The following SEMA5A variants were observed in gnomAD, a reference collection of about 807,000 sequenced individuals.
SEMA5A encodes semaphorin-5A.
SEMA5A carries 55 observed loss-of-function variants against 135.5 expected under a neutral mutation model. The ratio of observed to expected loss-of-function variants is 0.41; its 90% CI spans 0.33 to 0.51. The LOEUF (loss-of-function observed/expected upper bound fraction) is 0.51, where lower values mean the gene tolerates loss of function less well. Among genes scored for constraint, SEMA5A ranks in the 20% least tolerant of loss-of-function variants. The probability of loss-of-function intolerance (pLI) is 0.37; values close to 1 mark genes in which losing one functional copy is unlikely to be tolerated. For missense variants in SEMA5A, 1,290 were observed against 1,419.9 expected, an observed-to-expected ratio of 0.91 and a Z score of 1.47; for synonymous variants, 580 against 546.5, an observed-to-expected ratio of 1.06 and a Z score of -0.85.
At chr5:9,248,154 T>C (rs1748573503) in intron 5 of SEMA5A, among the ~76,000 whole-genome samples, 1 of 152,258 alleles carries the variant, frequency 6.6e-6, no homozygotes, top group South Asian at 2.1e-4. Context: ...GAGCTCCATC[T>C]AAGAAAAAAG....
intron 2 of SEMA5A, among the ~76,000 whole-genome samples, chr5:9,428,667 A>G (rs1247822519): frequency 3.3e-5 from 5 of 152,206 alleles, no homozygotes; most frequent in Non-Finnish European, 7.3e-5. Flanking sequence ...TATTTGAGAA[A>G]GCAGTAAAAT....
At chr5:9,285,336 T>C (rs1750744946) in intron 5 of SEMA5A, among the ~76,000 whole-genome samples, 1 of 152,296 alleles carries the variant, frequency 6.6e-6, no homozygotes, top group South Asian at 2.1e-4. Context: ...CCCCCTTTCC[T>C]TCTTCTGGAG....
At chr5:9,476,872 T>C (rs1759686366) in intron 1 of SEMA5A, among the ~76,000 whole-genome samples, 3 of 151,964 alleles carry the variant, frequency 2.0e-5, no homozygotes, top group African/African-American at 7.3e-5. Flanking sequence ...CGGCCAGGAA[T>C]TTGAGACTAG....
At chr5:9,361,923 G>T (rs1016415257) in intron 3 of SEMA5A, among the ~76,000 whole-genome samples, 2 of 152,152 alleles carry the variant, frequency 1.3e-5, no homozygotes, top group African/African-American at 4.8e-5. Flanking sequence ...ACACTGCCAT[G>T]GGCATGAACA....
chr5:9,347,309 A>G (rs1044308163), intron 3 of SEMA5A, among the ~76,000 whole-genome samples: 33 of 152,204 alleles, frequency 2.2e-4, no homozygotes, highest in African/African-American at 6.3e-4. Context: ...CACATAGTAT[A>G]CCTAACCCAT....
intron 11 of SEMA5A, among the ~76,000 whole-genome samples, chr5:9,167,921 T>C (rs1743702346): frequency 6.6e-6 from 1 of 152,178 alleles, no homozygotes; most frequent in Admixed American, 6.5e-5. Flanking sequence ...GAATCATGCC[T>C]CAGAAGTCAA....
intron 3 of SEMA5A, among the ~76,000 whole-genome samples, chr5:9,370,218 C>T (rs1033551436): frequency 5.3e-5 from 8 of 152,164 alleles, no homozygotes; most frequent in African/African-American, 1.7e-4. Flanking sequence ...CGTTAATCAC[C>T]TTCTGAGAGC....
At chr5:9,079,384 C>T (rs1022209438) in intron 16 of SEMA5A, among the ~76,000 whole-genome samples, 1 of 151,982 alleles carries the variant, frequency 6.6e-6, no homozygotes, top group South Asian at 2.1e-4. Flanking sequence ...ACACAATGTA[C>T]CAGAATCTCT....
At chr5:9,374,095 T>TGTAATGGGTCAGGGTGTTTTA (rs1482476012) in intron 3 of SEMA5A, among the ~76,000 whole-genome samples, 2 of 152,186 alleles carry the variant, frequency 1.3e-5, no homozygotes, top group African/African-American at 4.8e-5. Context: ...ACGGTGCATC[T>TGTAATGGGTCAGGGTGTTTTA]GTAATGGGTC....
intron 3 of SEMA5A, among the ~76,000 whole-genome samples, chr5:9,366,234 T>C (rs570681792): frequency 2.6e-5 from 4 of 152,200 alleles, no homozygotes; most frequent in Non-Finnish European, 5.9e-5. Context: ...TCTCTTTATA[T>C]GGCAATTAAT....
At chr5:9,214,080 C>A (rs947668732) in intron 8 of SEMA5A, among the ~76,000 whole-genome samples, 8 of 152,138 alleles carry the variant, frequency 5.3e-5, no homozygotes, top group Non-Finnish European at 8.8e-5. Context: ...CCAGAATTAG[C>A]CAGGAGGCAA....
chr5:9,313,028 A>T (rs1725503464), intron 5 of SEMA5A, among the ~76,000 whole-genome samples: 1 of 152,144 alleles, frequency 6.6e-6, no homozygotes, highest in Admixed American at 6.6e-5. Context: ...TACTGTAGCC[A>T]GGAAGTGTGC....
intron 1 of SEMA5A, among the ~76,000 whole-genome samples, chr5:9,488,826 G>T (rs929980263): frequency 1.2e-4 from 18 of 152,196 alleles, no homozygotes; most frequent in Non-Finnish European, 2.5e-4. Flanking sequence ...AAAGAAGAAT[G>T]TTAGAAATCT....
chr5:9,113,921 C>T (rs1048384287), intron 15 of SEMA5A, among the ~76,000 whole-genome samples: 3 of 152,250 alleles, frequency 2.0e-5, no homozygotes, highest in Admixed American at 2.0e-4. Context: ...GAATTAACAT[C>T]CAATGCAGCA....
At chr5:9,212,512 C>T (rs1454823970) in intron 8 of SEMA5A, among the ~76,000 whole-genome samples, 1 of 152,096 alleles carries the variant, frequency 6.6e-6, no homozygotes, top group African/African-American at 2.4e-5. Flanking sequence ...GATTGTACTG[C>T]CTTTGAGAAA....
rs1240368215 is a variant in SEMA5A, at chr5:9,036,166, C to T, written c.*6731G>A. ...CATTTTCTTGCAGATGATGTAGAAT[C>T]TCAGTGGTGAAACTAAGTGCTTGGG... is the stretch of plus-strand genomic sequence containing the variant. On this transcript the variant is annotated 3_prime_UTR_variant, in exon 23 of 23. Transcript: ENST00000382496. 2 of 152,106 alleles carry T rather than the reference C, an allele frequency of 1.3e-5. No individual in the cohort carries two copies. Among genetic ancestry groups the T allele is most frequent in the Non-Finnish European group, 2.9e-5 (2 of 68,020 alleles). 9.4% of individuals were successfully genotyped at this position (152,106 alleles called of 1,614,324 possible).
At chr5:9,092,300 A>ATT (rs762987250) in intron 16 of SEMA5A, among the ~76,000 whole-genome samples, 1 of 152,216 alleles carries the variant, frequency 6.6e-6, no homozygotes, top group Non-Finnish European at 1.5e-5. Flanking sequence ...GCTCAAGGCC[A>ATT]TTATGTTTAC....
intron 1 of SEMA5A, among the ~76,000 whole-genome samples, chr5:9,442,554 A>G (rs1758277573): frequency 1.3e-5 from 2 of 152,134 alleles, no homozygotes. Context: ...CTTCATGTAA[A>G]TCATTGATCC....
intron 14 of SEMA5A, among the ~76,000 whole-genome samples, chr5:9,119,860 C>T (rs1740714496): frequency 6.6e-6 from 1 of 151,932 alleles, no homozygotes; most frequent in Non-Finnish European, 1.5e-5. Flanking sequence ...ATATAACTAA[C>T]CATGTGTATT....
Sources: allele counts gnomAD v4.1 joint callset (sites outside exome capture counted in the v4.1 genomes callset), GRCh38; gene constraint gnomAD v4.1.1; transcripts MANE v1.5; gene names NCBI Gene and HGNC (gene_info 2026-07-23, HGNC 2026-07-21).